Variants in STK39 observed in about 807,000 individuals in gnomAD.
STK39 encodes the protein serine/threonine kinase 39.
Under a neutral mutation model 77.8 loss-of-function variants are expected in STK39, and 20 were observed. The ratio of observed to expected loss-of-function variants is 0.26; its 90% CI spans 0.18 to 0.37. The LOEUF is 0.37. STK39 is among the 10% of genes least tolerant of loss of function. The pLI, the probability that STK39 is intolerant of heterozygous loss-of-function variation, is 1.00. For synonymous variants in STK39, 246 were observed against 234.1 expected (o/e 1.05, Z -0.47); for missense variants, 479 against 656.5 (o/e 0.73, Z 2.95).
At chr2:168,220,201 T>C (rs1690132122) in intron 1 of STK39, among the ~76,000 whole-genome samples, 1 of 152,126 alleles carries the variant, frequency 6.6e-6, no homozygotes, top group African/African-American at 2.4e-5. Context: ...ATCACAAGCA[T>C]GTGCCAATAA....
rs532218771 is a variant in STK39, at chr2:167,982,783, C to G, written c.1499-18057G>C. ...ACTTTTTCAGAAGCTGCTATTTTCC[C>G]CCCACAAAGATGAAGATAGGTAGAG... On this transcript the variant is annotated intron_variant, in intron 16 of 17. Transcript: ENST00000355999. Among the ~76,000 whole-genome samples, 188 of 152,278 alleles carry G rather than the reference C, an allele frequency of 1.2e-3. 1 individual carries two copies. Among genetic ancestry groups the G allele is most frequent in the African/African-American group, 4.2e-3 (175 of 41,550 alleles).
At chr2:167,998,663 C>T (rs1373427764) in intron 16 of STK39, among the ~76,000 whole-genome samples, 1 of 152,084 alleles carries the variant, frequency 6.6e-6, no homozygotes. Context: ...TCTAGGAATC[C>T]TAATTTCCTT....
chr2:168,126,801 G>A (rs1687554658), intron 10 of STK39, among the ~76,000 whole-genome samples: 1 of 152,100 alleles, frequency 6.6e-6, no homozygotes, highest in African/African-American at 2.4e-5. Context: ...TAACCCAATT[G>A]CTCATTAAAA....
At chr2:168,004,749 AAT>A (rs1345233334) in intron 16 of STK39, among the ~76,000 whole-genome samples, 2 of 149,268 alleles carry the variant, frequency 1.3e-5, no homozygotes. Context: ...AAAAAAAAAA[AAT>A]TAAAATATAA....
In STK39 at chr2:167,956,935, C is replaced by T. The variant is rs146170880; in HGVS notation, c.1564-1365G>A. ...ATTATTGTCACAACAATTAGTTTCC[C>T]ATGGAAACGTGCCCTTTCCAATCAC... is the stretch of plus-strand genomic sequence containing the variant. On this transcript the variant is annotated intron_variant, in intron 17 of 17. Transcript: ENST00000355999. Among the ~76,000 whole-genome samples the T allele has an allele frequency of 6.6e-5, 10 of 152,108 alleles. No individual in the cohort carries two copies. The East Asian group carries it at 1.7e-3, about 27-fold the overall frequency.
At chr2:168,103,949 A>G (rs1000292028) in intron 10 of STK39, among the ~76,000 whole-genome samples, 11 of 152,242 alleles carry the variant, frequency 7.2e-5, no homozygotes, top group African/African-American at 2.7e-4. Context: ...ACAAATGTCA[A>G]TCAGTTCAGC....
intron 14 of STK39, among the ~76,000 whole-genome samples, chr2:168,061,963 A>G (rs762287456): frequency 3.3e-5 from 5 of 152,178 alleles, no homozygotes; most frequent in Admixed American, 6.5e-5. Flanking sequence ...CCAGAACAGA[A>G]AAGTCGGTTT....
intron 1 of STK39, among the ~76,000 whole-genome samples, chr2:168,235,123 C>T (rs963361067): frequency 2.6e-5 from 4 of 151,876 alleles, no homozygotes; most frequent in Non-Finnish European, 5.9e-5. Flanking sequence ...CTGCAACCAC[C>T]GCTTCTCGGG....
chr2:168,185,987 G>C (rs1689199059), intron 1 of STK39, among the ~76,000 whole-genome samples: 2 of 152,124 alleles, frequency 1.3e-5, no homozygotes, highest in South Asian at 4.1e-4. Context: ...GTTGTGGACT[G>C]AATGTCTGTG....
In STK39 at chr2:168,214,515, T is replaced by C. The variant is rs1437744619; in HGVS notation, c.209-32425A>G. Among the ~76,000 whole-genome samples the C allele has an allele frequency of 2.0e-5, 3 of 152,052 alleles. No homozygotes were observed. The East Asian group carries it at 5.8e-4, about 29-fold the overall frequency. On this transcript the variant is annotated intron_variant, in intron 1 of 17. Transcript: ENST00000355999. The stretch of plus-strand genomic sequence containing the variant: ...AAAATGGAAAGTAACTGTTTCATGG[T>C]ATGGGGAATGGTGGAAATGTTTTGG...
chr2:168,016,387 C>CAAAAAAAAAAAAAAAAAAAAA (rs869084308), intron 15 of STK39, among the ~76,000 whole-genome samples: 3 of 65,648 alleles, frequency 4.6e-5, no homozygotes, highest in African/African-American at 1.7e-4. Flanking sequence ...GGCCTTTGTT[C>CAAAAAAAAAAAAAAAAAAAAA]AAAAAAAAAA....
chr2:168,163,810 T>C lies in STK39; in HGVS notation c.501A>G (p.Ala167=), dbSNP rs750126616. Reference sequence around the variant, plus strand: ...CCTCTTTAAGAATTGTTGCTATTATTGCCTCTTCCAGAACTCCATTCTTGT... The same window carrying C: ...CCTCTTTAAGAATTGTTGCTATTATCGCCTCTTCCAGAACTCCATTCTTGT... ...GEHKNGVLEE[A]IIATILKEVL... Residue 167 remains alanine (A), a synonymous_variant, in exon 4 of 18, where the codon GCA becomes GCG. Coordinates refer to ENST00000355999, the MANE Select transcript of STK39 (RefSeq NM_013233.3). 5 of 1,614,030 alleles carry C rather than the reference T, an allele frequency of 3.1e-6. No homozygotes were observed. Among genetic ancestry groups the C allele is most frequent in the Non-Finnish European group, 4.2e-6 (5 of 1,179,950 alleles).
intron 14 of STK39, among the ~76,000 whole-genome samples, chr2:168,018,538 A>AAAAAGAAAG (rs1553514699): frequency 1.2e-5 from 1 of 85,490 alleles, no homozygotes; most frequent in South Asian, 4.3e-4. Flanking sequence ...GAAAAGAAAG[A>AAAAAGAAAG]AAAGAAAGAA....
intron 12 of STK39, among the ~76,000 whole-genome samples, chr2:168,069,293 A>C (rs1429010091): frequency 5.3e-5 from 8 of 152,256 alleles, no homozygotes. Flanking sequence ...AAGGAAAAAA[A>C]TTAGTTTTCA....
chr2:167,992,319 C>T (rs1459382548), intron 16 of STK39, among the ~76,000 whole-genome samples: 1 of 151,876 alleles, frequency 6.6e-6, no homozygotes, highest in East Asian at 1.9e-4. Context: ...GCTCCCCCAA[C>T]CTGCCCCCCA....
intron 16 of STK39, among the ~76,000 whole-genome samples, chr2:167,969,655 G>A (rs770376196): frequency 2.6e-5 from 4 of 151,994 alleles, no homozygotes; most frequent in Admixed American, 1.3e-4. Context: ...ATCCACATAC[G>A]CAGAAACGAA....
At chr2:168,118,609 AAAAAAAAAAAAAAAC>A (rs1452244674) in intron 10 of STK39, among the ~76,000 whole-genome samples, 2 of 151,376 alleles carry the variant, frequency 1.3e-5, no homozygotes, top group South Asian at 2.1e-4. Flanking sequence ...TTTCAAAAAA[AAAAAAAAAAAAAAAC>A]AACAACTCAA....
At chr2:168,014,402 G>C (rs1244534536) in intron 15 of STK39, among the ~76,000 whole-genome samples, 2 of 152,038 alleles carry the variant, frequency 1.3e-5, no homozygotes, top group Non-Finnish European at 2.9e-5. Flanking sequence ...AGGATCACTT[G>C]AGCCTGGGAG....
intron 2 of STK39, among the ~76,000 whole-genome samples, chr2:168,167,644 C>A (rs1008783551): frequency 6.6e-6 from 1 of 152,204 alleles, no homozygotes; most frequent in South Asian, 2.1e-4. Context: ...AGCTACCAGA[C>A]ACAGGAACTT....
Sources: gnomAD v4.1 joint callset for allele counts (sites outside exome capture counted in the v4.1 genomes callset) on GRCh38, gnomAD v4.1.1 for gene constraint, MANE v1.5 for transcripts, NCBI Gene and HGNC (gene_info 2026-07-23, HGNC 2026-07-21) for gene names.